UNC80: variants seen among roughly 807,000 people sequenced by gnomAD.
UNC80 encodes the protein unc-80 subunit of NALCN channel complex.
In UNC80, 164 loss-of-function variants were observed where a neutral mutation model predicts 384.6. The ratio of observed to expected loss-of-function variants is 0.43; its 90% CI spans 0.38 to 0.49. The LOEUF (loss-of-function observed/expected upper bound fraction) is 0.49, where lower values mean the gene tolerates loss of function less well. Ranked by LOEUF, UNC80 falls within the 20% of genes least tolerant of loss-of-function variation. The probability of loss-of-function intolerance (pLI) is 0.00; values close to 1 mark genes in which losing one functional copy is unlikely to be tolerated. For synonymous variants in UNC80, 1,486 were observed against 1,527.8 expected (o/e 0.97, Z 0.64); for missense variants, 3,330 against 4,143.0 (o/e 0.80, Z 5.39).
intron 22 of UNC80, among the ~76,000 whole-genome samples, chr2:209,852,206 C>G (rs13013030): frequency 0.095 from 14,403 of 152,010 alleles, 829 homozygotes; most frequent in South Asian, 0.25. Context: ...GTAGGAGTTC[C>G]TTTCATACCT....
At chr2:209,985,434 C>A (rs2093267093) in intron 61 of UNC80, among the ~76,000 whole-genome samples, 1 of 152,156 alleles carries the variant, frequency 6.6e-6, no homozygotes, top group Non-Finnish European at 1.5e-5. Flanking sequence ...TTGATGCATG[C>A]TATTGGGCAG....
intron 61 of UNC80, among the ~76,000 whole-genome samples, chr2:209,986,639 G>A (rs2093295407): frequency 6.6e-6 from 1 of 152,112 alleles, no homozygotes; most frequent in South Asian, 2.1e-4. Context: ...TTGTTTCTGT[G>A]ACCATTGTGT....
intron 24 of UNC80, among the ~76,000 whole-genome samples, 181 bp downstream of exon 24, chr2:209,878,270 G>A (rs760618472): frequency 1.3e-5 from 2 of 152,166 alleles, no homozygotes; most frequent in Non-Finnish European, 2.9e-5. Context: ...ACAGAGACAA[G>A]GCAAGAACCA....
At chr2:209,892,995 C>T (rs2086488028) in intron 26 of UNC80, among the ~76,000 whole-genome samples, 1 of 152,190 alleles carries the variant, frequency 6.6e-6, no homozygotes, top group Admixed American at 6.5e-5. Context: ...TCCATCACAA[C>T]AGTAAATCAG....
intron 52 of UNC80, chr2:209,967,851 T>C (rs2125009317): frequency 2.2e-6 from 1 of 457,418 alleles, no homozygotes; most frequent in South Asian, 3.3e-5. Flanking sequence ...GTGCTCATCT[T>C]GAAAAAAATC....
intron 10 of UNC80, 43 bp downstream of exon 10, chr2:209,817,168 C>G: frequency 6.6e-7 from 1 of 1,510,494 alleles, no homozygotes; most frequent in Non-Finnish European, 9.0e-7. Context: ...TTTAAGTGAC[C>G]TGTTTAGAAC....
chr2:209,935,635 A>G (rs2091195581), intron 39 of UNC80, 79 bp from the exon 40 acceptor site: 1 of 616,642 alleles, frequency 1.6e-6, no homozygotes, highest in Admixed American at 4.0e-5. Context: ...GCTTATTGAT[A>G]ATATTTTAAT....
At chr2:209,930,257 A>T (rs575386179) in intron 37 of UNC80, among the ~76,000 whole-genome samples, 18 of 152,244 alleles carry the variant, frequency 1.2e-4, no homozygotes, top group African/African-American at 3.1e-4. Flanking sequence ...GAGTACCTTC[A>T]TTGAATTCTG....
intron 22 of UNC80, among the ~76,000 whole-genome samples, chr2:209,871,844 G>A (rs1403566214): frequency 6.9e-6 from 1 of 145,086 alleles, no homozygotes; most frequent in Non-Finnish European, 1.5e-5. Flanking sequence ...ATTTTGACAT[G>A]ACAAGGTGGA....
intron 28 of UNC80, among the ~76,000 whole-genome samples, chr2:209,897,081 A>T (rs2086870675): frequency 6.6e-6 from 1 of 152,126 alleles, no homozygotes; most frequent in Admixed American, 6.6e-5. Context: ...GCTGGTGCAT[A>T]ATGGTCCTCG....
intron 16 of UNC80, among the ~76,000 whole-genome samples, chr2:209,832,538 A>C (rs1289772906): frequency 1.3e-5 from 2 of 152,168 alleles, no homozygotes; most frequent in African/African-American, 2.4e-5. Flanking sequence ...AAATCAAGGA[A>C]ATTATTTTAA....
chr2:209,994,448 C>G (rs1431190981), intron 64 of UNC80, among the ~76,000 whole-genome samples, 184 bp downstream of exon 64: 1 of 152,142 alleles, frequency 6.6e-6, no homozygotes, highest in Non-Finnish European at 1.5e-5. Context: ...AGGCATATAT[C>G]TGCTTAAGAA....
chr2:209,788,154 C>A (rs764480385), intron 5 of UNC80, among the ~76,000 whole-genome samples: 1 of 152,146 alleles, frequency 6.6e-6, no homozygotes, highest in African/African-American at 2.4e-5. Flanking sequence ...CGGTGGCTCA[C>A]GCCTGTAATC....
intron 4 of UNC80, among the ~76,000 whole-genome samples, chr2:209,779,605 A>G (rs927305853): frequency 1.3e-5 from 2 of 152,184 alleles, no homozygotes; most frequent in African/African-American, 4.8e-5. Context: ...TCCTGGTGAC[A>G]GCTGTATCTC....
Position 209,976,104 on chromosome 2 carries a change from T to C in UNC80, c.8588-15T>C, listed in dbSNP as rs1484397286. 1 of 1,542,426 alleles carries C rather than the reference T, an allele frequency of 6.5e-7. No individual in the cohort carries two copies. The highest frequency in any genetic ancestry group is 1.2e-5 in the South Asian group (1 of 83,552). On this transcript the variant is annotated splice_polypyrimidine_tract_variant and intron_variant, in intron 56 of 64. Transcript: ENST00000673920. This position sits in a 1 kb window ranked among gnomAD's most constrained non-coding sequence, Gnocchi z 4.3. ...CACGTCCGCAGGCTCATTTTTCTCT[T>C]TTCCCGGTGTGAAGCGCTGAAGGTG... is the stretch of plus-strand genomic sequence containing the variant.
intron 7 of UNC80, among the ~76,000 whole-genome samples, chr2:209,809,835 G>A (rs1049765185): frequency 2.6e-5 from 4 of 152,238 alleles, no homozygotes; most frequent in Non-Finnish European, 5.9e-5. Flanking sequence ...TGGCTGGCGG[G>A]AGGGCAGCTG....
At chr2:209,820,894 G>A (rs142066363) in intron 13 of UNC80, among the ~76,000 whole-genome samples, 29 of 152,238 alleles carry the variant, frequency 1.9e-4, no homozygotes, top group African/African-American at 6.5e-4. Context: ...TGCCATCCAA[G>A]CAGTGTTAGA....
At chr2:209,851,494 A>G (rs1381782836) in intron 22 of UNC80, among the ~76,000 whole-genome samples, 1 of 152,150 alleles carries the variant, frequency 6.6e-6, no homozygotes, top group Non-Finnish European at 1.5e-5. Flanking sequence ...AATGTGAGTT[A>G]TAAGATACTC....
chr2:209,901,786 G>A (rs150908205), intron 28 of UNC80, among the ~76,000 whole-genome samples: 15 of 152,060 alleles, frequency 9.9e-5, no homozygotes, highest in Admixed American at 2.0e-4. Context: ...AAAATTAGCC[G>A]GGCGTGGTGA....
Sources: gnomAD v4.1 joint callset for allele counts (sites outside exome capture counted in the v4.1 genomes callset) on GRCh38, gnomAD v4.1.1 for gene constraint, Gnocchi (gnomAD v3.1) non-coding constraint, MANE v1.5 for transcripts, NCBI Gene and HGNC (gene_info 2026-07-23, HGNC 2026-07-21) for gene names.